PIP5K1B: variants seen among roughly 807,000 people sequenced by gnomAD.
PIP5K1B encodes phosphatidylinositol-4-phosphate 5-kinase type 1 beta, also known as phosphatidylinositol 4-phosphate 5-kinase type-1 beta.
PIP5K1B carries 42 observed loss-of-function variants against 67.0 expected under a neutral mutation model. That is an observed-to-expected ratio of 0.63 (90% confidence interval 0.49 to 0.81). The LOEUF is 0.81. PIP5K1B is among the 30% of genes least tolerant of loss of function. PIP5K1B has a pLI of 0.00. For missense variants in PIP5K1B, 459 were observed against 646.3 expected (o/e 0.71, Z 3.14); for synonymous variants, 214 against 231.4 (o/e 0.92, Z 0.68).
At chr9:68,739,509 T>C (rs1313272173) in intron 1 of PIP5K1B, among the ~76,000 whole-genome samples, 2 of 152,248 alleles carry the variant, frequency 1.3e-5, no homozygotes, top group Non-Finnish European at 2.9e-5. Flanking sequence ...CTTAAAACTT[T>C]AAAATATTTA....
intron 1 of PIP5K1B, chr9:68,707,886 A>G (rs1185976401): frequency 1.3e-5 from 2 of 152,202 alleles, no homozygotes; most frequent in African/African-American, 4.8e-5. Flanking sequence ...AGTGTCTCAC[A>G]TATAAAACAA....
chr9:68,905,890 T>G (rs1049040027), intron 8 of PIP5K1B, among the ~76,000 whole-genome samples: 3 of 152,180 alleles, frequency 2.0e-5, no homozygotes, highest in African/African-American at 7.2e-5. Context: ...TCTGAGAGGT[T>G]TGGGGCCACG....
At chr9:68,707,150 G>A (rs960819323) in intron 1 of PIP5K1B, among the ~76,000 whole-genome samples, 1 of 152,140 alleles carries the variant, frequency 6.6e-6, no homozygotes, top group African/African-American at 2.4e-5. Context: ...TGTGGGCAGA[G>A]ACTTATGAGG....
chr9:68,799,178 TG>T (rs1401570836), intron 2 of PIP5K1B, among the ~76,000 whole-genome samples: 2 of 152,214 alleles, frequency 1.3e-5, no homozygotes, highest in African/African-American at 4.8e-5. Flanking sequence ...AAATTATATT[TG>T]AGATAAGCAC....
intron 1 of PIP5K1B, among the ~76,000 whole-genome samples, chr9:68,723,298 CAG>C (rs1827982643): frequency 6.6e-6 from 1 of 151,966 alleles, no homozygotes; most frequent in African/African-American, 2.4e-5. Context: ...CTGTAGTAAA[CAG>C]GGGAGTGCAG....
chr9:68,979,066 G>A (rs1829768948), intron 14 of PIP5K1B, among the ~76,000 whole-genome samples: 1 of 152,196 alleles, frequency 6.6e-6, no homozygotes, highest in African/African-American at 2.4e-5. Context: ...AAATAGATTT[G>A]TCATTGGGAA....
At chr9:68,711,005 G>A (rs1827365548) in intron 1 of PIP5K1B, among the ~76,000 whole-genome samples, 1 of 152,218 alleles carries the variant, frequency 6.6e-6, no homozygotes, top group Non-Finnish European at 1.5e-5. Context: ...GGAATTGTAA[G>A]TACTAGGGGT....
At chr9:68,780,236 T>C (rs1455085146) in intron 2 of PIP5K1B, 2 of 1,542,572 alleles carry the variant, frequency 1.3e-6, no homozygotes, top group African/African-American at 1.4e-5. Context: ...CGGAGGGCGG[T>C]GGCAGCGGCG....
At chr9:68,892,013 A>G (rs1487663371) in intron 7 of PIP5K1B, among the ~76,000 whole-genome samples, 1 of 152,206 alleles carries the variant, frequency 6.6e-6, no homozygotes. Flanking sequence ...GAAAAATTCT[A>G]AAATACTTGA....
At chr9:68,723,168 G>T (rs1231919476) in intron 1 of PIP5K1B, among the ~76,000 whole-genome samples, 1 of 147,678 alleles carries the variant, frequency 6.8e-6, no homozygotes, top group Non-Finnish European at 1.5e-5. Context: ...CTCTGTGTGT[G>T]TGTGTGTGTG....
chr9:68,834,368 G>C (rs890998424), intron 4 of PIP5K1B, among the ~76,000 whole-genome samples: 2 of 152,142 alleles, frequency 1.3e-5, no homozygotes, highest in African/African-American at 4.8e-5. Context: ...CACCCTCCCA[G>C]GCAGTGGCTG....
At chr9:68,774,901 T>C (rs918650776) in intron 2 of PIP5K1B, among the ~76,000 whole-genome samples, 2 of 152,250 alleles carry the variant, frequency 1.3e-5, no homozygotes, top group African/African-American at 4.8e-5. Context: ...ACTCAGATAG[T>C]ATCTTTTTTC....
chr9:68,765,447 A>G (rs901698811), intron 2 of PIP5K1B, among the ~76,000 whole-genome samples: 3 of 152,166 alleles, frequency 2.0e-5, no homozygotes, highest in Admixed American at 1.3e-4. Flanking sequence ...TTAATGCAAC[A>G]TGGAGAAAAT....
At position 68,974,510 on chromosome 9, in the gene PIP5K1B, G is replaced by T. The variant is rs189813344; in HGVS notation, c.1503-16630G>T. 3.9e-3 allele frequency among the ~76,000 whole-genome samples: 596 copies of T among 152,316 alleles called. 1 individual carries two copies. Among genetic ancestry groups the T allele is most frequent in the Non-Finnish European group, 6.5e-3 (445 of 68,020 alleles). ...CCAGAGATTACTAAAGCTGTACCAT[G>T]ATTTAGAAACCAGAACAAGTATGTC... On this transcript the variant is annotated intron_variant, in intron 14 of 15. Coordinates refer to ENST00000265382, the MANE Select transcript of PIP5K1B (RefSeq NM_003558.4).
chr9:68,746,582 T>C (rs2132334398), intron 2 of PIP5K1B, among the ~76,000 whole-genome samples: 1 of 152,304 alleles, frequency 6.6e-6, no homozygotes, highest in Non-Finnish European at 1.5e-5. Flanking sequence ...ATGTTACAGA[T>C]ACCCACACCA....
At chr9:68,883,173 A>G (rs1824283538) in intron 6 of PIP5K1B, among the ~76,000 whole-genome samples, 1 of 152,198 alleles carries the variant, frequency 6.6e-6, no homozygotes, top group African/African-American at 2.4e-5. Context: ...TAAATTCCTT[A>G]CTCAGAATCA....
intron 1 of PIP5K1B, among the ~76,000 whole-genome samples, chr9:68,720,110 T>C (rs191288158): frequency 1.1e-4 from 17 of 152,340 alleles, no homozygotes; most frequent in Admixed American, 8.5e-4. Context: ...AGACAGCCTG[T>C]ATTATTATCA....
intron 1 of PIP5K1B, among the ~76,000 whole-genome samples, chr9:68,713,829 T>C (rs1406684321): frequency 6.6e-6 from 1 of 152,200 alleles, no homozygotes; most frequent in African/African-American, 2.4e-5. Flanking sequence ...CTGACTGTGC[T>C]GAGAGCTTAC....
chr9:68,946,412 T>A (rs558810696), intron 14 of PIP5K1B, among the ~76,000 whole-genome samples: 55 of 152,118 alleles, frequency 3.6e-4, no homozygotes, highest in African/African-American at 1.3e-3. Context: ...TTGTTTTTTT[T>A]TTGAGACAGA....
Sources: allele counts gnomAD v4.1 joint callset (sites outside exome capture counted in the v4.1 genomes callset), GRCh38; gene constraint gnomAD v4.1.1; transcripts MANE v1.5; gene names NCBI Gene and HGNC (gene_info 2026-07-23, HGNC 2026-07-21).